Variants in NCOR1 observed in about 807,000 individuals in gnomAD.
NCOR1 encodes the protein protein phosphatase 1, regulatory subunit 109.
A neutral mutation model predicts 288.1 loss-of-function variants in NCOR1; 63 were observed. The observed-to-expected ratio is 0.22, with a 90% CI of 0.18 to 0.27. The LOEUF (loss-of-function observed/expected upper bound fraction) is 0.27, where lower values mean the gene tolerates loss of function less well. Among genes scored for constraint, NCOR1 ranks in the 10% least tolerant of loss-of-function variants. NCOR1 has a pLI of 1.00. For synonymous variants in NCOR1, 1,007 were observed against 1,065.9 expected (o/e 0.94, Z 1.08); for missense variants, 2,397 against 3,019.2 (o/e 0.79, Z 4.83).
chr17:16,067,814 T>C lies in NCOR1; in HGVS notation c.4741+80A>G, dbSNP rs752738633. 5.3e-6 allele frequency: 7 copies of C among 1,332,030 alleles called. No homozygotes were observed. The African/African-American group carries it at 5.9e-5, about 11-fold the overall frequency. 82.5% of individuals were successfully genotyped at this position (1,332,030 alleles called of 1,614,324 possible). ...TAATGATATTTGCAATTGTACTATA[T>C]TGTACAACAACAGAAAGCTGAAAAG... On this transcript the variant is annotated intron_variant, in intron 32 of 45. Transcript: ENST00000268712.
intron 7 of NCOR1, 96 bp from the exon 8 acceptor site, chr17:16,152,094 C>T (rs2078955843): frequency 1.3e-6 from 1 of 754,896 alleles, no homozygotes; most frequent in African/African-American, 1.8e-5. Context: ...AGGTAAAGTA[C>T]TAATGGATCT....
chr17:16,146,316 A>C, intron 10 of NCOR1, 60 bp downstream of exon 10: 1 of 1,496,982 alleles, frequency 6.7e-7, no homozygotes, highest in Non-Finnish European at 8.9e-7. Context: ...ATTTTTAAAA[A>C]AAAGAAACAA....
chr17:16,192,542 G>C (rs1400666708), intron 2 of NCOR1, among the ~76,000 whole-genome samples: 1 of 152,112 alleles, frequency 6.6e-6, no homozygotes, highest in Non-Finnish European at 1.5e-5. Context: ...TGTAATTCCA[G>C]CTACTCGGGA....
At chr17:16,048,193 C>T (rs556275727) in intron 41 of NCOR1, among the ~76,000 whole-genome samples, 4 of 152,232 alleles carry the variant, frequency 2.6e-5, no homozygotes, top group East Asian at 3.9e-4. Context: ...GCAAACTGCA[C>T]GACTATGGAC....
At chr17:16,106,827 G>A (rs1226683343) in intron 19 of NCOR1, among the ~76,000 whole-genome samples, 2 of 133,836 alleles carry the variant, frequency 1.5e-5, no homozygotes, top group South Asian at 2.5e-4. Context: ...GAGCAGATGT[G>A]ATGGTGCCAC....
intron 14 of NCOR1, among the ~76,000 whole-genome samples, chr17:16,132,654 A>G (rs2075814393): frequency 6.6e-6 from 1 of 152,228 alleles, no homozygotes; most frequent in South Asian, 2.1e-4. Flanking sequence ...TAACAAAAAT[A>G]TAAACATCTG....
chr17:16,078,559 C>T (rs146362761), intron 26 of NCOR1, among the ~76,000 whole-genome samples: 9 of 148,714 alleles, frequency 6.1e-5, no homozygotes, highest in African/African-American at 2.2e-4. Context: ...CAGAAACACA[C>T]TGACCCAATA....
chr17:16,058,593 G>GATCTTCTTA lies in NCOR1; in HGVS notation c.5887_5888insTAAGAAGAT (p.Ser1962_Ser1963insLeuArgArg), dbSNP rs2060193605. The GATCTTCTTA allele has an allele frequency of 6.3e-7, 1 of 1,590,924 alleles. No individual in the cohort carries two copies. The highest frequency in any genetic ancestry group is 8.5e-7 in the Non-Finnish European group (1 of 1,170,584). On this transcript the variant is annotated inframe_insertion, in exon 38 of 46. Transcript: ENST00000268712. The stretch of plus-strand genomic sequence containing the variant: ...ATCGCTAGGTGTTTCATACCTGTGA[G>GATCTTCTTA]AAGATACTTTAAGAAAAGAAAATCT...
At chr17:16,191,654 A>T (rs374886405) in intron 2 of NCOR1, among the ~76,000 whole-genome samples, 14 of 152,334 alleles carry the variant, frequency 9.2e-5, no homozygotes, top group African/African-American at 3.4e-4. Flanking sequence ...GTGGAATAAC[A>T]TGCAACATGA....
At chr17:16,153,483 T>G in intron 6 of NCOR1, 88 bp from the exon 7 acceptor site, 2 of 840,536 alleles carry the variant, frequency 2.4e-6, no homozygotes, top group South Asian at 3.6e-5. Context: ...TATCTAAGAC[T>G]AATCTATAGA....
At chr17:16,087,027 G>C (rs954594696) in intron 22 of NCOR1, 4 of 520,482 alleles carry the variant, frequency 7.7e-6, no homozygotes, top group Non-Finnish European at 1.2e-5. Context: ...AAATACAACT[G>C]ATGATGGAAC....
rs192199161 is a variant in NCOR1 at position 16,204,714 on chromosome 17, G to C, written c.-70-10075C>G. 9.9e-5 allele frequency among the ~76,000 whole-genome samples: 15 copies of C among 152,280 alleles called. No homozygotes were observed. In the East Asian group the frequency reaches 2.9e-3, roughly 29 times the overall value. On this transcript the variant is annotated intron_variant, in intron 1 of 45. Transcript: ENST00000268712. ...AAGTCACATAAATAGACTAATAAGA[G>C]TCACAGCTAACATTTATTATTTACT...
chr17:16,065,827 G>T lies in NCOR1; in HGVS notation c.4742-133C>A, dbSNP rs2061055189. 5.7e-6 allele frequency: 4 copies of T among 706,806 alleles called. No homozygotes were observed. In the Admixed American group the frequency reaches 9.8e-5, roughly 17 times the overall value. The allele number at this position is 706,806 out of a possible 1,614,324, so 43.8% of individuals were successfully genotyped here. ...ACATGGAACTTTTACTTAGCTACAA[G>T]GATTAAGGTGGATTTATTTTAGACC... On this transcript the variant is annotated intron_variant, in intron 32 of 45. Coordinates refer to ENST00000268712, the MANE Select transcript of NCOR1 (RefSeq NM_006311.4).
chr17:16,211,941 A>G (rs180955655), intron 1 of NCOR1, among the ~76,000 whole-genome samples: 2,176 of 151,528 alleles, frequency 0.014, 55 homozygotes, highest in African/African-American at 0.051. Flanking sequence ...ACATGTATAC[A>G]TGTATTTTTT....
chr17:16,206,322 C>T (rs564740408), intron 1 of NCOR1, among the ~76,000 whole-genome samples: 9 of 145,968 alleles, frequency 6.2e-5, no homozygotes, highest in Non-Finnish European at 1.3e-4. Context: ...TTGTTTACAG[C>T]TTTGTTTTTC....
At chr17:16,196,353 T>C (rs189142612) in intron 1 of NCOR1, among the ~76,000 whole-genome samples, 31 of 152,162 alleles carry the variant, frequency 2.0e-4, no homozygotes, top group African/African-American at 6.7e-4. Context: ...TTTTAGGGAA[T>C]TGTCATTCAA....
At chr17:16,087,429 G>A (rs934375165) in intron 22 of NCOR1, 2 of 869,894 alleles carry the variant, frequency 2.3e-6, no homozygotes, top group African/African-American at 3.5e-5. Context: ...ACACCATCCA[G>A]GGGCTGATCC....
At chr17:16,065,120 T>G in intron 33 of NCOR1, 101 bp from the exon 34 acceptor site, 24 of 1,065,238 alleles carry the variant, frequency 2.3e-5, no homozygotes, top group Non-Finnish European at 3.1e-5. Context: ...AAGGGTAATT[T>G]GTACATAATA....
At chr17:16,164,842 T>G (rs1198587712) in intron 5 of NCOR1, 137 bp downstream of exon 5, 4 of 566,396 alleles carry the variant, frequency 7.1e-6, no homozygotes, top group African/African-American at 5.9e-5. Flanking sequence ...ACCACAACAG[T>G]AGCAAAAAAA....
Sources: gnomAD v4.1 joint callset for allele counts (sites outside exome capture counted in the v4.1 genomes callset) on GRCh38, gnomAD v4.1.1 for gene constraint, MANE v1.5 for transcripts, NCBI Gene and HGNC (gene_info 2026-07-23, HGNC 2026-07-21) for gene names.